The following CSNK1A1 variants were observed in gnomAD, a reference collection of about 807,000 sequenced individuals.
The protein encoded by CSNK1A1 is casein kinase I isoform alpha.
CSNK1A1 carries 7 observed loss-of-function variants against 46.1 expected under a neutral mutation model. The observed-to-expected ratio is 0.15, with a 90% confidence interval of 0.09 to 0.29. CSNK1A1 has a LOEUF of 0.29. Among genes scored for constraint, CSNK1A1 ranks in the 10% least tolerant of loss-of-function variants. The probability of loss-of-function intolerance (pLI) is 1.00; values close to 1 mark genes in which losing one functional copy is unlikely to be tolerated. For missense variants in CSNK1A1, 96 were observed against 417.1 expected, an observed-to-expected ratio of 0.23 and a Z score of 6.71; for synonymous variants, 137 against 141.5, an observed-to-expected ratio of 0.97 and a Z score of 0.23.
rs766828519 is a variant in CSNK1A1 at position 149,497,378 on chromosome 5, C to T, written c.1007-518G>A. On this transcript the variant is annotated intron_variant, in intron 9 of 9. Coordinates refer to ENST00000377843, the MANE Select transcript of CSNK1A1 (RefSeq NM_001892.6). ...GAAGCATGTAATTTCTGTAGAGAAA[C>T]CTTAGACCTTTAAAACTTCTTTACC... is the stretch of plus-strand genomic sequence containing the variant. 4 of 985,792 alleles carry T rather than the reference C, an allele frequency of 4.1e-6. No individual in the cohort carries two copies. In the African/African-American group the frequency reaches 7.0e-5, roughly 17 times the overall value. The allele number at this position is 985,792 out of a possible 1,614,324, so 61.1% of individuals were successfully genotyped here.
Position 149,547,457 on chromosome 5 carries a change from T to C in CSNK1A1, c.230+2618A>G, listed in dbSNP as rs141085632. On this transcript the variant is annotated intron_variant, in intron 2 of 9. Coordinates refer to ENST00000377843, the MANE Select transcript of CSNK1A1 (RefSeq NM_001892.6). ...CTGAAAAATGACAATGCTTAATGCTTTTTGAAACTGATTTCAAATACATTA... is the reference window on the plus strand; with the variant it reads ...CTGAAAAATGACAATGCTTAATGCTCTTTGAAACTGATTTCAAATACATTA... 8.9e-3 allele frequency among the ~76,000 whole-genome samples: 1,361 copies of C among 152,360 alleles called. 8 individuals are homozygous for C. The highest frequency in any genetic ancestry group is 0.016 in the South Asian group (79 of 4,834).
chr5:149,506,154 T>G (rs1480536720), intron 8 of CSNK1A1, among the ~76,000 whole-genome samples: 1 of 152,154 alleles, frequency 6.6e-6, no homozygotes, highest in East Asian at 1.9e-4. Context: ...CTCGAGCTCC[T>G]GGCCTCAGGT....
chr5:149,546,824 T>C (rs905989178), intron 2 of CSNK1A1, among the ~76,000 whole-genome samples: 2 of 152,190 alleles, frequency 1.3e-5, no homozygotes, highest in African/African-American at 4.8e-5. Flanking sequence ...ATTCAATACT[T>C]TCCGAGTAAA....
At chr5:149,500,461 TAA>T (rs1020053460) in intron 9 of CSNK1A1, among the ~76,000 whole-genome samples, 10 of 151,922 alleles carry the variant, frequency 6.6e-5, no homozygotes, top group Non-Finnish European at 1.2e-4. Flanking sequence ...GTATTTTTAG[TAA>T]AGACAGGGTT....
intron 2 of CSNK1A1, among the ~76,000 whole-genome samples, chr5:149,527,785 G>A (rs979184820): frequency 6.6e-6 from 1 of 152,080 alleles, no homozygotes; most frequent in Non-Finnish European, 1.5e-5. Context: ...AGGCTTTTAA[G>A]AAAACGAGAA....
Position 149,506,601 on chromosome 5 carries a change from C to G in CSNK1A1, c.857+426G>C, listed in dbSNP as rs61411011. ...GAGCCACATGTAATCTATTCCCCCC[C>G]CTTTTTCAAGACCAGTTCTGGGTTG... On this transcript the variant is annotated intron_variant, in intron 8 of 9. Coordinates refer to ENST00000377843, the MANE Select transcript of CSNK1A1 (RefSeq NM_001892.6). Among the ~76,000 whole-genome samples, 1,379 of 152,200 alleles carry G rather than the reference C, an allele frequency of 9.1e-3. 9 individuals carry two copies. Among genetic ancestry groups the G allele is most frequent in the Non-Finnish European group, 0.013 (910 of 68,008 alleles).
At chr5:149,548,721 C>T (rs1245529554) in intron 2 of CSNK1A1, among the ~76,000 whole-genome samples, 2 of 151,382 alleles carry the variant, frequency 1.3e-5, no homozygotes, top group Admixed American at 6.6e-5. Context: ...TGGTGGCGGG[C>T]GCCTGTAATC....
intron 6 of CSNK1A1, among the ~76,000 whole-genome samples, chr5:149,510,802 T>C (rs1761195971): frequency 6.6e-6 from 1 of 152,170 alleles, no homozygotes; most frequent in East Asian, 1.9e-4. Flanking sequence ...TCTTAACCCA[T>C]GTTCAACACA....
chr5:149,519,627 C>T (rs1761507332), intron 4 of CSNK1A1, among the ~76,000 whole-genome samples: 1 of 152,168 alleles, frequency 6.6e-6, no homozygotes, highest in Non-Finnish European at 1.5e-5. Context: ...TCAGAGACCC[C>T]AAATGAACAC....
In CSNK1A1 at chr5:149,539,541, G is replaced by C. The variant is rs148142689; in HGVS notation, c.230+10534C>G. On this transcript the variant is annotated intron_variant, in intron 2 of 9. Coordinates refer to ENST00000377843, the MANE Select transcript of CSNK1A1 (RefSeq NM_001892.6). ...TTCTAGGAAAAGATGGGGGTTGATG[G>C]GGGTGAGTAGCAAAGCAAAAATTAT... 3.3e-4 allele frequency among the ~76,000 whole-genome samples: 50 copies of C among 151,712 alleles called. 1 individual carries two copies. The South Asian group carries it at 5.2e-3, about 16-fold the overall frequency.
intron 9 of CSNK1A1, chr5:149,497,744 T>TA: frequency 3.0e-6 from 3 of 985,448 alleles, no homozygotes; most frequent in Non-Finnish European, 3.6e-6. Flanking sequence ...AGCTAGAAAC[T>TA]ATAGCTCATT....
intron 2 of CSNK1A1, among the ~76,000 whole-genome samples, chr5:149,542,694 T>A (rs10875547): frequency 0.015 from 310 of 21,242 alleles, 8 homozygotes; most frequent in South Asian, 0.019. Context: ...ATATATATAT[T>A]TTTTTTTTTT....
intron 4 of CSNK1A1, among the ~76,000 whole-genome samples, chr5:149,519,529 T>C (rs564002205): frequency 1.6e-4 from 25 of 152,260 alleles, no homozygotes; most frequent in Middle Eastern, 3.4e-3. Flanking sequence ...AGACTAATCA[T>C]TACAGAAAAA....
At position 149,507,150 on chromosome 5, in the gene CSNK1A1, TAAAAC is replaced by T. The variant is rs749186897; in HGVS notation, c.751-22_751-18del. ...AGGAAACCCCTATAGGTTCAAGGGT[TAAAAC>T]AAAGTTAAAAACAAACATTTCAAGA... On this transcript the variant is annotated intron_variant, in intron 7 of 9. Coordinates refer to ENST00000377843, the MANE Select transcript of CSNK1A1 (RefSeq NM_001892.6). 1 of 1,544,824 alleles carries T rather than the reference TAAAAC, an allele frequency of 6.5e-7. No homozygotes were observed. The highest frequency in any genetic ancestry group is 1.9e-5 in the Admixed American group (1 of 53,064).
intron 4 of CSNK1A1, among the ~76,000 whole-genome samples, chr5:149,518,795 T>C (rs1177523538): frequency 6.7e-6 from 1 of 150,242 alleles, no homozygotes; most frequent in African/African-American, 2.4e-5. Context: ...CTTAAGGGGG[T>C]TGTGGGGGAG....
Position 149,505,436 on chromosome 5 carries a change from T to C in CSNK1A1, c.1006+11A>G, listed in dbSNP as rs939691084. ...TTTCCCTGTAACGTCACTTGGTTCT[T>C]GGCTACTAACCTTTCATGTTACTCT... On this transcript the variant is annotated intron_variant, in intron 9 of 9. Coordinates refer to ENST00000377843, the MANE Select transcript of CSNK1A1 (RefSeq NM_001892.6). The C allele has an allele frequency of 8.1e-6, 13 of 1,610,042 alleles. No individual in the cohort carries two copies. Among genetic ancestry groups the C allele is most frequent in the Non-Finnish European group, 1.1e-5 (13 of 1,177,476 alleles).
rs767180067 is a variant in CSNK1A1 at position 149,525,075 on chromosome 5, T to C, written c.327A>G (p.Thr109=). The C allele has an allele frequency of 4.3e-6, 7 of 1,613,222 alleles. No individual in the cohort carries two copies. In the Admixed American group the frequency reaches 6.7e-5, roughly 15 times the overall value. ...DLFNFCSRRF[T]MKTVLMLADQ... is the part of the protein sequence containing the mutation. ...CAGCTAACATAAGTACAGTTTTCAT[T>C]GTGAACCTTCTTGAACAGAAATTGA... Residue 109 remains threonine, a synonymous_variant, in exon 3 of 10, where the codon ACA becomes ACG. Coordinates refer to ENST00000377843, the MANE Select transcript of CSNK1A1 (RefSeq NM_001892.6). This position sits in a 1 kb window ranked among gnomAD's most constrained non-coding sequence, Gnocchi z 4.2.
chr5:149,529,702 G>A (rs1561765276), intron 2 of CSNK1A1: 1 of 456,116 alleles, frequency 2.2e-6, no homozygotes, highest in Non-Finnish European at 4.4e-6. Flanking sequence ...TCAGTGCAAG[G>A]CTTATGAGCT....
chr5:149,520,149 C>A (rs1307291520), intron 4 of CSNK1A1, 141 bp downstream of exon 4: 3 of 532,552 alleles, frequency 5.6e-6, no homozygotes, highest in Non-Finnish European at 1.0e-5. Context: ...AGCTGATTAT[C>A]CTCATAGCAC....
Sources: gnomAD v4.1 joint callset for allele counts (sites outside exome capture counted in the v4.1 genomes callset) on GRCh38, gnomAD v4.1.1 for gene constraint, Gnocchi (gnomAD v3.1) non-coding constraint, MANE v1.5 for transcripts, NCBI Gene and HGNC (gene_info 2026-07-23, HGNC 2026-07-21) for gene names.